Variants in CSMD1 observed in about 807,000 individuals in gnomAD.
CSMD1 encodes the protein CUB and sushi domain-containing protein 1.
CSMD1 carries 213 observed loss-of-function variants against 417.5 expected under a neutral mutation model. That is an observed-to-expected ratio of 0.51 (90% confidence interval 0.46 to 0.57). The LOEUF (loss-of-function observed/expected upper bound fraction) is 0.57. Ranked by LOEUF, CSMD1 falls within the 20% of genes least tolerant of loss-of-function variation. The pLI is 0.00. For synonymous variants in CSMD1, 2,862 were observed against 1,736.8 expected, an observed-to-expected ratio of 1.65 and a Z score of -16.11; for missense variants, 6,923 against 4,529.7, an observed-to-expected ratio of 1.53 and a Z score of -15.17.
intron 16 of CSMD1, among the ~76,000 whole-genome samples, chr8:3,397,560 AT>A (rs1382754450): frequency 6.6e-6 from 1 of 152,192 alleles, no homozygotes; most frequent in Non-Finnish European, 1.5e-5. Context: ...AGGCTGCCAC[AT>A]TTGGGATTGC....
chr8:4,299,348 T>C (rs1050669616), intron 3 of CSMD1, among the ~76,000 whole-genome samples: 2 of 152,198 alleles, frequency 1.3e-5, no homozygotes, highest in African/African-American at 2.4e-5. Context: ...AGGGGGTTTT[T>C]ACTTGACATA....
chr8:3,549,184 G>A (rs1422834868), intron 10 of CSMD1, among the ~76,000 whole-genome samples: 4 of 152,304 alleles, frequency 2.6e-5, no homozygotes, highest in East Asian at 1.9e-4. Context: ...TCCACATCCA[G>A]TCTGTGCCTG....
chr8:3,623,050 C>G (rs949547216), intron 7 of CSMD1, among the ~76,000 whole-genome samples: 3 of 151,982 alleles, frequency 2.0e-5, no homozygotes, highest in African/African-American at 7.2e-5. Context: ...AAAATCAAAA[C>G]TGAAAATATC....
In CSMD1 at chr8:2,958,006, T is replaced by C. The variant is rs142097833; in HGVS notation, c.9703-199A>G. Among the ~76,000 whole-genome samples, 309 of 152,362 alleles carry C rather than the reference T, an allele frequency of 2.0e-3. 3 individuals carry two copies. The highest frequency in any genetic ancestry group is 0.014 in the Middle Eastern group (4 of 294). On this transcript the variant is annotated intron_variant, in intron 62 of 69. Coordinates refer to ENST00000635120, the MANE Select transcript of CSMD1 (RefSeq NM_033225.6). ...ACAATGTAGATTGCTCAATGAATAA[T>C]GTAAGATCTTCTCGAATTTTGAAAA...
At chr8:3,968,970 G>T (rs2627460) in intron 5 of CSMD1, among the ~76,000 whole-genome samples, 23 of 152,080 alleles carry the variant, frequency 1.5e-4, no homozygotes, top group Non-Finnish European at 8.8e-5. Context: ...CCTAATGCAG[G>T]GCAGGGACAG....
chr8:3,947,955 C>T (rs1278023485), intron 5 of CSMD1, among the ~76,000 whole-genome samples: 1 of 152,182 alleles, frequency 6.6e-6, no homozygotes, highest in East Asian at 1.9e-4. Flanking sequence ...CCTGTAATCC[C>T]AGCACTTTGG....
At chr8:4,931,043 C>G (rs564386899) in intron 1 of CSMD1, among the ~76,000 whole-genome samples, 1 of 152,264 alleles carries the variant, frequency 6.6e-6, no homozygotes, top group East Asian at 1.9e-4. Context: ...TCTGCCCTTA[C>G]AAATCCTTGA....
intron 1 of CSMD1, among the ~76,000 whole-genome samples, chr8:4,781,275 C>T (rs907026553): frequency 2.0e-5 from 3 of 152,200 alleles, no homozygotes; most frequent in Non-Finnish European, 2.9e-5. Context: ...TGCAGTGGAT[C>T]AGCATCATGA....
chr8:4,318,184 T>TGGGTTTACA (rs1799048614), intron 3 of CSMD1, among the ~76,000 whole-genome samples: 1 of 152,144 alleles, frequency 6.6e-6, no homozygotes, highest in East Asian at 1.9e-4. Context: ...TATCCTTCTA[T>TGGGTTTACA]GGGTTTACAT....
chr8:4,557,007 G>A (rs17416186), intron 2 of CSMD1, among the ~76,000 whole-genome samples: 1 of 152,066 alleles, frequency 6.6e-6, no homozygotes, highest in Admixed American at 6.5e-5. Context: ...CTAAAATTGA[G>A]ATTAAGCAAC....
At chr8:4,139,847 T>C (rs1193837453) in intron 3 of CSMD1, among the ~76,000 whole-genome samples, 6 of 150,774 alleles carry the variant, frequency 4.0e-5, no homozygotes, top group Non-Finnish European at 8.8e-5. Flanking sequence ...AAGAACAAAG[T>C]GATCAGATGG....
At chr8:2,986,739 C>T (rs1239946962) in intron 54 of CSMD1, among the ~76,000 whole-genome samples, 2 of 152,074 alleles carry the variant, frequency 1.3e-5, no homozygotes, top group African/African-American at 2.4e-5. Context: ...CTCCTGACCT[C>T]GTGATTCGCC....
At chr8:4,298,883 T>C (rs907808546) in intron 3 of CSMD1, among the ~76,000 whole-genome samples, 3 of 152,076 alleles carry the variant, frequency 2.0e-5, no homozygotes, top group Non-Finnish European at 4.4e-5. Flanking sequence ...TAGACTTAAA[T>C]GAGTAAATTT....
At chr8:4,889,927 G>T (rs1452781146) in intron 1 of CSMD1, among the ~76,000 whole-genome samples, 3 of 152,072 alleles carry the variant, frequency 2.0e-5, no homozygotes, top group Non-Finnish European at 4.4e-5. Context: ...TTGGAATGTG[G>T]TCCTCTTTAC....
rs573150716 is a variant in CSMD1, at chr8:3,451,693, G to T, written c.1561+17019C>A. 2.0e-5 allele frequency among the ~76,000 whole-genome samples: 3 copies of T among 152,272 alleles called. No homozygotes were observed. The South Asian group carries it at 6.2e-4, about 32-fold the overall frequency. On this transcript the variant is annotated intron_variant, in intron 12 of 69. Transcript: ENST00000635120. The stretch of plus-strand genomic sequence containing the variant: ...GGTCTATATCTCTGTTTTGGAACCA[G>T]TACCATGCTGTTTTGGTTACGGTAG...
Position 3,331,489 on chromosome 8 carries a change from G to A in CSMD1, c.3631+11805C>T, listed in dbSNP as rs113128530. On this transcript the variant is annotated intron_variant, in intron 23 of 69. Coordinates refer to ENST00000635120, the MANE Select transcript of CSMD1 (RefSeq NM_033225.6). ...GCTTTGGATTATACTAACAGGGTTT[G>A]AATCCTGGTGCTGCCACTCACTAAT... Among the ~76,000 whole-genome samples, 423 of 152,262 alleles carry A rather than the reference G, an allele frequency of 2.8e-3. 1 individual carries two copies. Among genetic ancestry groups the A allele is most frequent in the Non-Finnish European group, 5.2e-3 (351 of 68,020 alleles).
rs576671251 is a variant in CSMD1 at position 4,225,185 on chromosome 8, A to T, written c.416-193086T>A. ...ACTTCATTGTACTATTTCAGGACAC[A>T]TGGCAACTCAGCGCACACCTCCATA... On this transcript the variant is annotated intron_variant, in intron 3 of 69. Transcript: ENST00000635120. 2.2e-4 allele frequency among the ~76,000 whole-genome samples: 34 copies of T among 152,328 alleles called. 1 individual carries two copies. The South Asian group carries it at 7.0e-3, about 32-fold the overall frequency.
At chr8:4,843,291 T>A (rs1189225799) in intron 1 of CSMD1, among the ~76,000 whole-genome samples, 1 of 152,154 alleles carries the variant, frequency 6.6e-6, no homozygotes, top group East Asian at 1.9e-4. Context: ...GCCCAGTACT[T>A]GTACCAGTAT....
intron 1 of CSMD1, among the ~76,000 whole-genome samples, chr8:4,965,952 G>C (rs1172379488): frequency 6.6e-6 from 1 of 152,140 alleles, no homozygotes; most frequent in African/African-American, 2.4e-5. Context: ...CAACATGTGT[G>C]AGCATAACTC....
Sources: gnomAD v4.1 joint callset for allele counts (sites outside exome capture counted in the v4.1 genomes callset) on GRCh38, gnomAD v4.1.1 for gene constraint, MANE v1.5 for transcripts, NCBI Gene and HGNC (gene_info 2026-07-23, HGNC 2026-07-21) for gene names.